The following LAMA3 variants were observed in gnomAD, a reference collection of about 807,000 sequenced individuals.
LAMA3 encodes the protein laminin subunit alpha-3.
LAMA3 carries 281 observed loss-of-function variants against 402.0 expected under a neutral mutation model. The ratio of observed to expected loss-of-function variants is 0.70; its 90% CI spans 0.63 to 0.77. LAMA3 has a LOEUF of 0.77. Ranked by LOEUF, LAMA3 falls within the 30% of genes least tolerant of loss-of-function variation. The probability of loss-of-function intolerance (pLI) is 0.00; values close to 1 mark genes in which losing one functional copy is unlikely to be tolerated. For synonymous variants in LAMA3, 1,431 were observed against 1,558.4 expected (o/e 0.92, Z 1.93); for missense variants, 3,840 against 4,215.5 (o/e 0.91, Z 2.47).
At position 23,753,818 on chromosome 18, in the gene LAMA3, T is replaced by C. The variant is rs1394768019; in HGVS notation, c.947+6T>C. 1 of 1,592,856 alleles carries C rather than the reference T, an allele frequency of 6.3e-7. No homozygotes were observed. Among genetic ancestry groups the C allele is most frequent in the Non-Finnish European group, 8.6e-7 (1 of 1,160,644 alleles). ...ATAAACAATCCTGAAAAACTGTAAG[T>C]ACACTGTACAGATTTTTTTCAGCCT... is the stretch of plus-strand genomic sequence containing the variant. On this transcript the variant is annotated splice_donor_region_variant and intron_variant, in intron 6 of 74. Coordinates refer to ENST00000313654, the MANE Select transcript of LAMA3 (RefSeq NM_198129.4).
intron 41 of LAMA3, among the ~76,000 whole-genome samples, chr18:23,886,094 G>A (rs117433735): frequency 8.7e-4 from 132 of 152,252 alleles, no homozygotes; most frequent in Non-Finnish European, 1.7e-3. Flanking sequence ...TCTTGGTCTT[G>A]GAGATCCTTT....
chr18:23,814,301 A>G, intron 14 of LAMA3, 102 bp from the exon 15 acceptor site: 1 of 908,338 alleles, frequency 1.1e-6, no homozygotes. Flanking sequence ...ATTACTTTTC[A>G]TGACCAAAAT....
intron 12 of LAMA3, among the ~76,000 whole-genome samples, chr18:23,786,875 T>C (rs1199871735): frequency 6.6e-6 from 1 of 152,070 alleles, no homozygotes; most frequent in Non-Finnish European, 1.5e-5. Context: ...AAATGAAAAA[T>C]TCACTAAAGT....
intron 23 of LAMA3, 94 bp from the exon 24 acceptor site, chr18:23,833,734 G>A (rs1029604090): frequency 7.3e-6 from 10 of 1,373,670 alleles, no homozygotes; most frequent in African/African-American, 1.4e-5. Context: ...CTTCCAGGGT[G>A]TCTTCTGGGC....
At position 23,777,580 on chromosome 18, in the gene LAMA3, A is replaced by G. The variant is rs751512673; in HGVS notation, c.1429A>G (p.Thr477Ala). 6.2e-7 allele frequency: 1 copy of G among 1,611,594 alleles called. No individual in the cohort carries two copies. ...CLRIPIFPVS[T>A]PSSEDPVAGD... ...AGGAATTCCCATTTTTCCTGTTTCT[A>G]CACCAAGTTCAGAAGATCCAGTAGC... Residue 477 changes from threonine to alanine, a missense_variant, in exon 11 of 75, where the codon ACA becomes GCA. Coordinates refer to ENST00000313654, the MANE Select transcript of LAMA3 (RefSeq NM_198129.4).
At chr18:23,853,731 C>T (rs574844394) in intron 32 of LAMA3, among the ~76,000 whole-genome samples, 4 of 152,302 alleles carry the variant, frequency 2.6e-5, no homozygotes, top group Admixed American at 2.0e-4. Flanking sequence ...CCCAGAATTG[C>T]CATTCTGCAG....
chr18:23,860,841 G>T (rs891637321), intron 34 of LAMA3, among the ~76,000 whole-genome samples: 3 of 151,678 alleles, frequency 2.0e-5, no homozygotes, highest in African/African-American at 4.8e-5. Context: ...TTACAGGCAT[G>T]CCCCACCACA....
At chr18:23,925,732 T>A (rs1386157691) in intron 62 of LAMA3, among the ~76,000 whole-genome samples, 1 of 152,146 alleles carries the variant, frequency 6.6e-6, no homozygotes, top group African/African-American at 2.4e-5. Flanking sequence ...CTGGAGTAAA[T>A]GTAGAACTGT....
rs2081217577 is a variant in LAMA3, at chr18:23,905,607, A to G, written c.6701A>G (p.Gln2234Arg). 1 of 1,605,074 alleles carries G rather than the reference A, an allele frequency of 6.2e-7. No homozygotes were observed. The highest frequency in any genetic ancestry group is 1.1e-5 in the South Asian group (1 of 90,826). ...DKLLNEAKMT[Q>R]KKLKQEVSPA... ...CTGTTAAATGAAGCCAAGATGACACAAAAGAAGCTAAAGCAAGGTATTAGG... is the reference window on the plus strand; with the variant it reads ...CTGTTAAATGAAGCCAAGATGACACGAAAGAAGCTAAAGCAAGGTATTAGG... Residue 2234 changes from glutamine to arginine, a missense_variant, in exon 52 of 75, where the codon CAA becomes CGA. Physicochemically the swap from Gln to Arg is conservative, Grantham distance 43. Around this residue, in one of 3 missense-constraint regions of LAMA3, gnomAD observed 891 missense variants for 857.5 expected, o/e 1.04. Transcript: ENST00000313654.
Position 23,714,046 on chromosome 18 carries a change from G to C in LAMA3, c.421G>C (p.Val141Leu), listed in dbSNP as rs752573543. ...PLSSGTQYNR[V>L]NLTLDLGQLF... ...GTCCTCAGGCACACAGTACAACAGA[G>C]TCAACCTCACCTTGGATCTGGGGCA... is the stretch of plus-strand genomic sequence containing the variant. Residue 141 changes from valine to leucine, a missense_variant, in exon 2 of 75, where the codon GTC becomes CTC. By Grantham distance (32) the Val-to-Leu change is conservative. This residue lies in a region of LAMA3 where 2,109 missense variants were observed against 2,376.0 expected (regional missense o/e 0.89). Coordinates refer to ENST00000313654, the MANE Select transcript of LAMA3 (RefSeq NM_198129.4). 6.2e-7 allele frequency: 1 copy of C among 1,613,926 alleles called. No individual in the cohort carries two copies.
chr18:23,866,239 T>C (rs1259155816), intron 36 of LAMA3, among the ~76,000 whole-genome samples: 1 of 152,246 alleles, frequency 6.6e-6, no homozygotes, highest in African/African-American at 2.4e-5. Context: ...CATAATACCC[T>C]AAACATAGGG....
At chr18:23,848,414 G>C (rs959181373) in intron 32 of LAMA3, among the ~76,000 whole-genome samples, 2 of 152,234 alleles carry the variant, frequency 1.3e-5, no homozygotes, top group African/African-American at 4.8e-5. Flanking sequence ...CCTGATCTCA[G>C]CAGGACTGGG....
intron 12 of LAMA3, among the ~76,000 whole-genome samples, chr18:23,806,100 G>A (rs1467939199): frequency 6.6e-6 from 1 of 152,210 alleles, no homozygotes; most frequent in African/African-American, 2.4e-5. Context: ...AGGTCTCTGA[G>A]TCAGACTATT....
intron 3 of LAMA3, 52 bp from the exon 4 acceptor site, chr18:23,749,376 G>C: frequency 1.1e-6 from 1 of 951,390 alleles, no homozygotes; most frequent in East Asian, 2.6e-5. Context: ...TAAGAGATTT[G>C]CAACAAAATG....
In LAMA3 at chr18:23,846,858, G is replaced by C. The variant is rs376285676; in HGVS notation, c.3931+350G>C. Among the ~76,000 whole-genome samples, 125 of 152,318 alleles carry C rather than the reference G, an allele frequency of 8.2e-4. 4 individuals carry two copies. The South Asian group carries it at 0.024, about 30-fold the overall frequency. On this transcript the variant is annotated intron_variant, in intron 31 of 74. Coordinates refer to ENST00000313654, the MANE Select transcript of LAMA3 (RefSeq NM_198129.4). ...GAGCTTGATCCCCTTCGTCACAGAAGCCCCTTCCATTTTTTTGGCCCAACC... is the reference window on the plus strand; with the variant it reads ...GAGCTTGATCCCCTTCGTCACAGAACCCCCTTCCATTTTTTTGGCCCAACC...
intron 13 of LAMA3, among the ~76,000 whole-genome samples, chr18:23,812,151 G>T (rs1321462913): frequency 6.6e-6 from 1 of 152,152 alleles, no homozygotes; most frequent in Admixed American, 6.5e-5. Flanking sequence ...GGGATTACAG[G>T]CGTGAGCCAC....
chr18:23,931,585 A>G (rs2082165471), intron 65 of LAMA3: 2 of 215,844 alleles, frequency 9.3e-6, no homozygotes, highest in African/African-American at 4.7e-5. Flanking sequence ...ATGGAATGCT[A>G]TATAGCAATG....
intron 1 of LAMA3, among the ~76,000 whole-genome samples, chr18:23,705,806 C>T (rs1005794206): frequency 1.3e-5 from 2 of 152,214 alleles, no homozygotes; most frequent in African/African-American, 4.8e-5. Flanking sequence ...GTGTGAGCTA[C>T]TGTGCCTGGC....
intron 38 of LAMA3, among the ~76,000 whole-genome samples, chr18:23,874,610 G>T (rs1243126563): frequency 6.6e-6 from 1 of 152,214 alleles, no homozygotes; most frequent in Non-Finnish European, 1.5e-5. Flanking sequence ...TGAGGCTTCT[G>T]CCTCTCTCTC....
Sources: allele counts gnomAD v4.1 joint callset (sites outside exome capture counted in the v4.1 genomes callset), GRCh38; gene constraint gnomAD v4.1.1; regional missense constraint gnomAD v4.1.1; transcripts MANE v1.5; gene names NCBI Gene and HGNC (gene_info 2026-07-23, HGNC 2026-07-21).